FUT8: variants seen among roughly 807,000 people sequenced by gnomAD.
FUT8 encodes the protein alpha-(1,6)-fucosyltransferase.
In FUT8, 29 loss-of-function variants were observed where a neutral mutation model predicts 71.3. The observed-to-expected ratio is 0.41, with a 90% CI of 0.30 to 0.55. The LOEUF is 0.55. Ranked by LOEUF, FUT8 falls within the 20% of genes least tolerant of loss-of-function variation. FUT8 has a pLI of 0.34. For synonymous variants in FUT8, 254 were observed against 239.3 expected (o/e 1.06, Z -0.57); for missense variants, 544 against 702.1 (o/e 0.77, Z 2.55).
intron 3 of FUT8, 98 bp downstream of exon 3, chr14:65,561,864 A>G (rs1885932649): frequency 2.1e-6 from 2 of 947,774 alleles, no homozygotes; most frequent in Non-Finnish European, 3.2e-6. Context: ...AATTATTTTT[A>G]TAACCTGCTG....
At chr14:65,593,496 G>A (rs1359429936) in intron 3 of FUT8, among the ~76,000 whole-genome samples, 1 of 152,120 alleles carries the variant, frequency 6.6e-6, no homozygotes, top group African/African-American at 2.4e-5. Flanking sequence ...ACCCATGTAA[G>A]GGAATGTGAT....
intron 7 of FUT8, among the ~76,000 whole-genome samples, chr14:65,720,038 C>A (rs1465037298): frequency 6.6e-6 from 1 of 152,220 alleles, no homozygotes; most frequent in Admixed American, 6.5e-5. Flanking sequence ...TTTATCCATC[C>A]CTTCAGGACA....
chr14:65,374,905 G>C, the FUT8 span, among the ~76,000 whole-genome samples: 2 of 151,942 alleles, frequency 1.3e-5, no homozygotes, highest in African/African-American at 4.8e-5. Context: ...GGCTTACCAA[G>C]GGTGAGTTGT....
chr14:65,464,932 G>A (rs1162110868), intron 2 of FUT8, among the ~76,000 whole-genome samples: 2 of 152,132 alleles, frequency 1.3e-5, no homozygotes, highest in African/African-American at 4.8e-5. Flanking sequence ...TAGAATTCAC[G>A]AATGAATTAT....
chr14:65,438,915 T>C (rs2139470595), intron 1 of FUT8, among the ~76,000 whole-genome samples: 1 of 152,302 alleles, frequency 6.6e-6, no homozygotes, highest in Admixed American at 6.5e-5. Context: ...AAAGAAACTT[T>C]AACAGGAATA....
intron 7 of FUT8, among the ~76,000 whole-genome samples, chr14:65,720,089 CCATCTGGGAGCCAG>C (rs1184605598): frequency 6.6e-6 from 1 of 152,180 alleles, no homozygotes; most frequent in Admixed American, 6.5e-5. Context: ...TCCAGAGATG[CCATCTGGGAGCCAG>C]CATCTGGAGT....
At chr14:65,372,529 C>A in the FUT8 span, among the ~76,000 whole-genome samples, 1 of 151,926 alleles carries the variant, frequency 6.6e-6, no homozygotes, top group African/African-American at 2.4e-5. Flanking sequence ...GATTCTCCTG[C>A]CTCAGCCTCC....
At chr14:65,703,350 G>C (rs1018967457) in intron 7 of FUT8, among the ~76,000 whole-genome samples, 1 of 152,048 alleles carries the variant, frequency 6.6e-6, no homozygotes, top group Non-Finnish European at 1.5e-5. Flanking sequence ...CATGCCTTTT[G>C]CTTCATAGTT....
At chr14:65,548,083 C>T (rs1453530377) in intron 2 of FUT8, among the ~76,000 whole-genome samples, 1 of 151,714 alleles carries the variant, frequency 6.6e-6, no homozygotes, top group Non-Finnish European at 1.5e-5. Context: ...GTTGAATGTC[C>T]CCAGATGAGG....
At position 65,702,745 on chromosome 14, in the gene FUT8, G is replaced by T. The variant is rs534060386; in HGVS notation, c.836-19030G>T. Reference sequence around the variant, plus strand: ...GTTACATAGGGTAGAAATTTTTGTGGTTTTTTTTTTTTTAAACAGAGTTTT... The same window carrying T: ...GTTACATAGGGTAGAAATTTTTGTGTTTTTTTTTTTTTTAAACAGAGTTTT... On this transcript the variant is annotated intron_variant, in intron 7 of 10. Transcript: ENST00000673929. 2.0e-3 allele frequency among the ~76,000 whole-genome samples: 297 copies of T among 145,232 alleles called. 7 individuals carry two copies. The highest frequency in any genetic ancestry group is 0.019 in the East Asian group (96 of 4,966).
chr14:65,598,866 G>A (rs1235375789), intron 3 of FUT8, among the ~76,000 whole-genome samples: 1 of 152,084 alleles, frequency 6.6e-6, no homozygotes, highest in African/African-American at 2.4e-5. Context: ...TCTTGGCTCA[G>A]TGCAACCTCT....
At chr14:65,526,166 A>G (rs1244051156) in intron 2 of FUT8, among the ~76,000 whole-genome samples, 5 of 152,150 alleles carry the variant, frequency 3.3e-5, no homozygotes, top group East Asian at 1.9e-4. Context: ...GTGGGGTGTT[A>G]AAGTCTCCCA....
intron 1 of FUT8, among the ~76,000 whole-genome samples, chr14:65,452,637 A>G (rs879903198): frequency 7.9e-5 from 12 of 152,238 alleles, no homozygotes; most frequent in Admixed American, 2.0e-4. Context: ...ATTGCTTTCA[A>G]TAATTCAATT....
rs920445835 is a variant in FUT8 at position 65,489,704 on chromosome 14, A to G, written c.-228+33986A>G. Among the ~76,000 whole-genome samples the G allele has an allele frequency of 1.3e-5, 2 of 152,162 alleles. No homozygotes were observed. Among genetic ancestry groups the G allele is most frequent in the Non-Finnish European group, 2.9e-5 (2 of 67,996 alleles). On this transcript the variant is annotated intron_variant, in intron 2 of 10. Transcript: ENST00000673929. This position sits in a 1 kb window ranked among gnomAD's most constrained non-coding sequence, Gnocchi z 4.0. ...TAACTTTTTTTGAGTAAAATGCATC[A>G]TTAGAAAATGTATTTGGAATTACAT...
intron 2 of FUT8, among the ~76,000 whole-genome samples, chr14:65,474,488 C>G (rs866820093): frequency 1.4e-5 from 2 of 143,846 alleles, no homozygotes; most frequent in South Asian, 4.6e-4. Context: ...CCTGTAATCC[C>G]AGCTACTCAT....
chr14:65,692,560 A>G (rs1292626958), intron 7 of FUT8, among the ~76,000 whole-genome samples: 1 of 113,786 alleles, frequency 8.8e-6, no homozygotes, highest in Non-Finnish European at 1.8e-5. Context: ...AGGGGGGCTG[A>G]CCCCCCGCAC....
chr14:65,448,449 A>G (rs891807629), intron 1 of FUT8, among the ~76,000 whole-genome samples: 1 of 152,252 alleles, frequency 6.6e-6, no homozygotes, highest in African/African-American at 2.4e-5. Flanking sequence ...CAATAATAAA[A>G]TAAAATACAT....
intron 2 of FUT8, chr14:65,479,738 TG>T (rs1451318932): frequency 6.6e-6 from 1 of 152,176 alleles, no homozygotes; most frequent in Non-Finnish European, 1.5e-5. Context: ...AGTTGAATTA[TG>T]GGGCTAGAAG....
chr14:65,615,365 C>T (rs566734833), intron 3 of FUT8, among the ~76,000 whole-genome samples: 1 of 152,132 alleles, frequency 6.6e-6, no homozygotes, highest in Non-Finnish European at 1.5e-5. Flanking sequence ...CCTGGGCCTC[C>T]CAAAGTGCTG....
Sources: gnomAD v4.1 joint callset for allele counts (sites outside exome capture counted in the v4.1 genomes callset) on GRCh38, gnomAD v4.1.1 for gene constraint, Gnocchi (gnomAD v3.1) non-coding constraint, MANE v1.5 for transcripts, NCBI Gene and HGNC (gene_info 2026-07-23, HGNC 2026-07-21) for gene names.